SPTLC1: variants seen among roughly 807,000 people sequenced by gnomAD.
SPTLC1 encodes the protein serine palmitoyltransferase long chain base subunit 1, also known as serine palmitoyltransferase 1.
Under a neutral mutation model 68.9 loss-of-function variants are expected in SPTLC1, and 55 were observed. The ratio of observed to expected loss-of-function variants is 0.80; its 90% CI spans 0.64 to 1.00. The LOEUF is 1.00. Among genes scored for constraint, SPTLC1 ranks in the 50% least tolerant of loss-of-function variants. SPTLC1 has a pLI of 0.00. For synonymous variants in SPTLC1, 197 were observed against 201.6 expected (o/e 0.98, Z 0.19); for missense variants, 449 against 573.1 (o/e 0.78, Z 2.21).
Position 92,115,346 on chromosome 9 carries a change from C to G in SPTLC1, c.25G>C (p.Val9Leu), listed in dbSNP as rs539660978. The G allele has an allele frequency of 1.2e-6, 2 of 1,612,920 alleles. No homozygotes were observed. The highest frequency in any genetic ancestry group is 1.8e-4 in the Middle Eastern group (1 of 5,562). The change falls in exon 1 of 15, where the codon GTT becomes CTT. Residue 9 changes from valine (V) to leucine (L), a missense_variant. Physicochemically the swap from Val to Leu is conservative, Grantham distance 32. Around this residue, in one of 3 missense-constraint regions of SPTLC1, gnomAD observed 46 missense variants for 57.8 expected, o/e 0.80. Coordinates refer to ENST00000262554, the MANE Select transcript of SPTLC1 (RefSeq NM_006415.4). MATATEQW[V>L]LVEMVQALYE... Reference sequence around the variant, plus strand: ...AGCGCCTGTACCATCTCCACCAGAACCCACTGCTCCGTGGCGGTCGCCATA... The same window carrying G: ...AGCGCCTGTACCATCTCCACCAGAAGCCACTGCTCCGTGGCGGTCGCCATA...
chr9:92,084,180 T>A (rs1234431463), intron 3 of SPTLC1, among the ~76,000 whole-genome samples: 1 of 151,508 alleles, frequency 6.6e-6, no homozygotes, highest in African/African-American at 2.4e-5. Flanking sequence ...AATCATGTCA[T>A]CTGCAAACAG....
intron 3 of SPTLC1, among the ~76,000 whole-genome samples, chr9:92,091,755 C>G (rs2118745653): frequency 6.6e-6 from 1 of 152,150 alleles, no homozygotes; most frequent in East Asian, 1.9e-4. Flanking sequence ...AGATTAAACT[C>G]CTCAGTTAAA....
At chr9:92,094,688 T>C (rs1835471451) in intron 3 of SPTLC1, among the ~76,000 whole-genome samples, 1 of 152,198 alleles carries the variant, frequency 6.6e-6, no homozygotes, top group South Asian at 2.1e-4. Flanking sequence ...TCCAATTAAA[T>C]CACATGTTTC....
At chr9:92,087,426 G>A (rs1409484057) in intron 3 of SPTLC1, among the ~76,000 whole-genome samples, 1 of 152,172 alleles carries the variant, frequency 6.6e-6, no homozygotes, top group East Asian at 1.9e-4. Context: ...TTTTTGGTGT[G>A]CATGTCCTTT....
At chr9:92,034,598 T>C (rs145173058) in intron 14 of SPTLC1, among the ~76,000 whole-genome samples, 36 of 152,344 alleles carry the variant, frequency 2.4e-4, no homozygotes, top group Middle Eastern at 3.4e-3. Context: ...CTGAGTTAAC[T>C]GAGAGGGTAC....
At chr9:92,102,325 G>A (rs75567562) in intron 3 of SPTLC1, among the ~76,000 whole-genome samples, 1,927 of 152,248 alleles carry the variant, frequency 0.013, 23 homozygotes, top group Middle Eastern at 0.027. Flanking sequence ...GCAAAAACAG[G>A]ACACTATCCA....
In SPTLC1 at chr9:92,073,882, C is replaced by G. The variant is rs565156985; in HGVS notation, c.428-5784G>C. 3.9e-5 allele frequency among the ~76,000 whole-genome samples: 6 copies of G among 152,346 alleles called. No individual in the cohort carries two copies. The South Asian group carries it at 1.2e-3, about 32-fold the overall frequency. On this transcript the variant is annotated intron_variant, in intron 5 of 14. Transcript: ENST00000262554. The stretch of plus-strand genomic sequence containing the variant: ...CAAACCGCAGCGTTTAACTGCCCCT[C>G]TGGGACCTTGCTTCAAATGTCAAAA...
At chr9:92,098,208 C>T (rs995944704) in intron 3 of SPTLC1, among the ~76,000 whole-genome samples, 1 of 152,190 alleles carries the variant, frequency 6.6e-6, no homozygotes, top group Non-Finnish European at 1.5e-5. Flanking sequence ...CTCAGCATTT[C>T]CGGGTTCACC....
At chr9:92,071,983 C>CCGT (rs916586614) in intron 5 of SPTLC1, among the ~76,000 whole-genome samples, 2 of 152,172 alleles carry the variant, frequency 1.3e-5, no homozygotes, top group Non-Finnish European at 2.9e-5. Context: ...CCATTGCCTA[C>CCGT]CCCTAACCTA....
chr9:92,114,944 C>T, intron 1 of SPTLC1: 1 of 361,034 alleles, frequency 2.8e-6, no homozygotes, highest in Non-Finnish European at 5.3e-6. Flanking sequence ...GAGCTGACTT[C>T]CTTAGGACCT....
At chr9:92,090,712 A>G (rs751508743) in intron 3 of SPTLC1, among the ~76,000 whole-genome samples, 18 of 151,870 alleles carry the variant, frequency 1.2e-4, no homozygotes, top group Admixed American at 6.6e-4. Flanking sequence ...GATCAAGCAG[A>G]CTAAAGGCAA....
rs1254702811 is a variant in SPTLC1 at position 92,038,275 on chromosome 9, G to T, written c.1227C>A (p.Val409=). The T allele has an allele frequency of 6.2e-7, 1 of 1,613,940 alleles. No homozygotes were observed. Among genetic ancestry groups the T allele is most frequent in the Non-Finnish European group, 8.5e-7 (1 of 1,179,786 alleles). Residue 409 remains valine (V), a synonymous_variant, in exon 13 of 15, where the codon GTC becomes GTA. Coordinates refer to ENST00000262554, the MANE Select transcript of SPTLC1 (RefSeq NM_006415.4). ...EESTGSREQD[V]RLLQEIVDQC... ...GATCTACAATTTCCTGAAGCAGTCT[G>T]ACATCTTGCTCGCGAGACCCAGTGC...
chr9:92,089,550 A>C (rs1835281416), intron 3 of SPTLC1, among the ~76,000 whole-genome samples: 1 of 152,234 alleles, frequency 6.6e-6, no homozygotes, highest in Admixed American at 6.5e-5. Flanking sequence ...AGAAAAATGA[A>C]AGACAGAGCT....
At chr9:92,082,042 C>T (rs1163529438) in intron 3 of SPTLC1, among the ~76,000 whole-genome samples, 2 of 152,150 alleles carry the variant, frequency 1.3e-5, no homozygotes, top group Non-Finnish European at 2.9e-5. Flanking sequence ...GAGATCCCCT[C>T]TGTATTATGG....
At chr9:92,096,898 T>C (rs541523187) in intron 3 of SPTLC1, among the ~76,000 whole-genome samples, 101 of 149,470 alleles carry the variant, frequency 6.8e-4, no homozygotes, top group African/African-American at 2.2e-3. Flanking sequence ...TCCCACAGAA[T>C]GAAAAAAAAA....
At chr9:92,062,944 A>G (rs761979171) in intron 6 of SPTLC1, among the ~76,000 whole-genome samples, 2 of 152,240 alleles carry the variant, frequency 1.3e-5, no homozygotes, top group Admixed American at 6.5e-5. Flanking sequence ...TTTCAAATTA[A>G]TAATTTAAGC....
intron 3 of SPTLC1, among the ~76,000 whole-genome samples, chr9:92,091,499 A>G (rs1012982829): frequency 5.3e-5 from 8 of 152,246 alleles, no homozygotes; most frequent in Non-Finnish European, 7.3e-5. Context: ...GCATGGGGTA[A>G]AGGAAAGAGC....
At chr9:92,105,184 G>C in intron 3 of SPTLC1, 1 of 1,534,006 alleles carries the variant, frequency 6.5e-7, no homozygotes, top group African/African-American at 1.4e-5. Flanking sequence ...GAAAACTGTC[G>C]GGGCCACCGC....
intron 3 of SPTLC1, among the ~76,000 whole-genome samples, chr9:92,091,583 A>T (rs2118745055): frequency 1.3e-5 from 2 of 152,376 alleles, no homozygotes; most frequent in East Asian, 3.9e-4. Context: ...AAATCAAATA[A>T]CATTATTTTT....
Sources: allele counts gnomAD v4.1 joint callset (sites outside exome capture counted in the v4.1 genomes callset), GRCh38; gene constraint gnomAD v4.1.1; regional missense constraint gnomAD v4.1.1; transcripts MANE v1.5; gene names NCBI Gene and HGNC (gene_info 2026-07-23, HGNC 2026-07-21).